The following ARHGEF10L variants were observed in gnomAD, a reference collection of about 807,000 sequenced individuals.
ARHGEF10L encodes rho guanine nucleotide exchange factor 10-like protein.
ARHGEF10L carries 69 observed loss-of-function variants against 141.2 expected under a neutral mutation model. That is an observed-to-expected ratio of 0.49 (90% CI 0.40 to 0.60). ARHGEF10L has a LOEUF of 0.60. Among genes scored for constraint, ARHGEF10L ranks in the 20% least tolerant of loss-of-function variants. The pLI is 0.00. For synonymous variants in ARHGEF10L, 711 were observed against 718.5 expected (o/e 0.99, Z 0.17); for missense variants, 1,482 against 1,734.3 (o/e 0.85, Z 2.58).
At chr1:17,671,123 G>A (rs2063291985) in intron 26 of ARHGEF10L, among the ~76,000 whole-genome samples, 2 of 152,270 alleles carry the variant, frequency 1.3e-5, no homozygotes, top group African/African-American at 4.8e-5. Context: ...GCCGGGCACG[G>A]CGCAGCCTCT....
chr1:17,528,838 G>C, the ARHGEF10L span, among the ~76,000 whole-genome samples: 1 of 152,142 alleles, frequency 6.6e-6, no homozygotes, highest in African/African-American at 2.4e-5. Context: ...CTGTTGCATG[G>C]GATGGTTCCA....
At chr1:17,561,615 C>T (rs751965599) in intron 1 of ARHGEF10L, among the ~76,000 whole-genome samples, 4 of 152,228 alleles carry the variant, frequency 2.6e-5, no homozygotes, top group African/African-American at 4.8e-5. Context: ...CACCCGATCC[C>T]GATGCTGCAC....
rs141728744 is a variant in ARHGEF10L at position 17,646,399 on chromosome 1, G to T, written c.2273-2155G>T. Among the ~76,000 whole-genome samples the T allele has an allele frequency of 6.8e-4, 104 of 152,344 alleles. 2 individuals are homozygous for T. In the East Asian group the frequency reaches 0.013, roughly 19 times the overall value. On this transcript the variant is annotated intron_variant, in intron 21 of 28. Transcript: ENST00000361221. ...TACATCTGACAAACCTGGAAAATGA[G>T]GCTCTGAGAAAAGAGACTTTTTGTT...
chr1:17,662,989 C>T (rs1283838466), intron 25 of ARHGEF10L, among the ~76,000 whole-genome samples: 1 of 152,190 alleles, frequency 6.6e-6, no homozygotes, highest in Non-Finnish European at 1.5e-5. Flanking sequence ...ATGCCATGGC[C>T]CAGGCTGCTC....
chr1:17,582,800 G>A (rs553750518), intron 2 of ARHGEF10L, among the ~76,000 whole-genome samples: 18 of 152,160 alleles, frequency 1.2e-4, no homozygotes, highest in Admixed American at 2.6e-4. Context: ...AGTGAGCTCC[G>A]GAGGGGAGCT....
chr1:17,647,389 G>A (rs1207942302), intron 21 of ARHGEF10L, among the ~76,000 whole-genome samples: 1 of 152,198 alleles, frequency 6.6e-6, no homozygotes, highest in Non-Finnish European at 1.5e-5. Context: ...TGCCTGATGT[G>A]TGGGTGCATA....
At chr1:17,602,245 C>T (rs769462712) in intron 5 of ARHGEF10L, 27 bp downstream of exon 5, 12 of 1,550,294 alleles carry the variant, frequency 7.7e-6, no homozygotes, top group African/African-American at 1.4e-5. Flanking sequence ...GCCCACCGCC[C>T]ACCCCAGGTA....
chr1:17,645,348 G>C (rs761400467), intron 21 of ARHGEF10L, among the ~76,000 whole-genome samples: 1 of 152,068 alleles, frequency 6.6e-6, no homozygotes, highest in African/African-American at 2.4e-5. Context: ...GGCAGGGAAG[G>C]CACCATCTGG....
intron 4 of ARHGEF10L, among the ~76,000 whole-genome samples, chr1:17,594,765 G>A (rs993901100): frequency 2.0e-5 from 3 of 152,194 alleles, no homozygotes; most frequent in Non-Finnish European, 4.4e-5. Context: ...GATTATAGGT[G>A]TGAGCCACCA....
chr1:17,651,358 G>T (rs1416839413), intron 22 of ARHGEF10L, among the ~76,000 whole-genome samples: 3 of 152,216 alleles, frequency 2.0e-5, no homozygotes, highest in Non-Finnish European at 2.9e-5. Flanking sequence ...CTGGGGCCTT[G>T]GGCTGGAGGC....
At chr1:17,553,832 G>A (rs950237608) in intron 1 of ARHGEF10L, among the ~76,000 whole-genome samples, 2 of 152,096 alleles carry the variant, frequency 1.3e-5, no homozygotes, top group African/African-American at 4.8e-5. Flanking sequence ...GTATGATGAC[G>A]ACTATCACTT....
chr1:17,629,637 G>A (rs965524582), intron 15 of ARHGEF10L, among the ~76,000 whole-genome samples: 5 of 152,116 alleles, frequency 3.3e-5, no homozygotes, highest in African/African-American at 1.2e-4. Context: ...CCCCATCCAC[G>A]TGGCTCAGGT....
At chr1:17,583,427 G>T (rs1331438312) in intron 2 of ARHGEF10L, among the ~76,000 whole-genome samples, 1 of 152,098 alleles carries the variant, frequency 6.6e-6, no homozygotes, top group Non-Finnish European at 1.5e-5. Flanking sequence ...ATAATAATAA[G>T]CAGAATCATC....
chr1:17,542,890 T>A (rs2076780575), intron 1 of ARHGEF10L, among the ~76,000 whole-genome samples: 1 of 152,214 alleles, frequency 6.6e-6, no homozygotes, highest in Admixed American at 6.5e-5. Flanking sequence ...TCTGCACAAC[T>A]GTCTCCAGTG....
chr1:17,584,053 A>AT (rs112090443), intron 2 of ARHGEF10L, among the ~76,000 whole-genome samples: 3,091 of 150,958 alleles, frequency 0.02, 81 homozygotes, highest in East Asian at 0.079. Context: ...ACTTTTGTTT[A>AT]TTTTTTTTTG....
At position 17,546,470 on chromosome 1, in the gene ARHGEF10L, T is replaced by C. The variant is rs531593909; in HGVS notation, c.-44+6520T>C. On this transcript the variant is annotated intron_variant, in intron 1 of 28. Coordinates refer to ENST00000361221, the MANE Select transcript of ARHGEF10L (RefSeq NM_018125.4). ...CCATGCCGATCCTGCAAGTACGTCC[T>C]ATTTTCCGATCTTATCGATGAGGAA... is the stretch of plus-strand genomic sequence containing the variant. Among the ~76,000 whole-genome samples the C allele has an allele frequency of 2.0e-5, 3 of 152,328 alleles. No homozygotes were observed. The South Asian group carries it at 6.2e-4, about 32-fold the overall frequency.
At position 17,656,074 on chromosome 1, in the gene ARHGEF10L, A is replaced by G; in HGVS notation, c.2677A>G (p.Thr893Ala). 6.4e-7 allele frequency: 1 copy of G among 1,557,760 alleles called. No homozygotes were observed. The highest frequency in any genetic ancestry group is 8.7e-7 in the Non-Finnish European group (1 of 1,150,764). Residue 893 changes from threonine (T) to alanine (A), a missense_variant, in exon 24 of 29, where the codon ACC becomes GCC. Coordinates refer to ENST00000361221, the MANE Select transcript of ARHGEF10L (RefSeq NM_018125.4). The surrounding 1 kb of genome is among the most constrained non-coding windows in gnomAD (Gnocchi z 4.9). Reference protein sequence around the residue: ...VADPSATVHPTICLGLQDGSI... With the variant: ...VADPSATVHPAICLGLQDGSI... ...TGACCCCTCGGCCACGGTGCATCCAACCATCTGCCTCGGGCTCCAGGATGG... is the reference window on the plus strand; with the variant it reads ...TGACCCCTCGGCCACGGTGCATCCAGCCATCTGCCTCGGGCTCCAGGATGG...
chr1:17,580,532 T>A, intron 1 of ARHGEF10L, 21 bp from the exon 2 acceptor site: 5 of 1,607,852 alleles, frequency 3.1e-6, no homozygotes, highest in Non-Finnish European at 4.3e-6. Context: ...GCTAATGCGA[T>A]TTCTGGTCTT....
At chr1:17,630,546 G>A (rs2060622532) in intron 15 of ARHGEF10L, among the ~76,000 whole-genome samples, 1 of 152,232 alleles carries the variant, frequency 6.6e-6, no homozygotes, top group Non-Finnish European at 1.5e-5. Flanking sequence ...CATGTTAGGA[G>A]CGGTGGGGCC....
Sources: allele counts gnomAD v4.1 joint callset (sites outside exome capture counted in the v4.1 genomes callset), GRCh38; gene constraint gnomAD v4.1.1; non-coding constraint Gnocchi (gnomAD v3.1); transcripts MANE v1.5; gene names NCBI Gene and HGNC (gene_info 2026-07-23, HGNC 2026-07-21).